Variants in GLIS3 observed in about 807,000 individuals in gnomAD.
GLIS3 encodes the protein zinc finger protein GLIS3.
In GLIS3, 53 loss-of-function variants were observed where a neutral mutation model predicts 78.6. The observed-to-expected ratio is 0.67, with a 90% CI of 0.54 to 0.85. The LOEUF (loss-of-function observed/expected upper bound fraction) is 0.85. GLIS3 is among the 40% of genes least tolerant of loss of function. GLIS3 has a pLI of 0.00. For missense variants in GLIS3, 1,703 were observed against 1,231.1 expected (o/e 1.38, Z -5.74); for synonymous variants, 684 against 509.9 (o/e 1.34, Z -4.60).
rs149300911 is a variant in GLIS3 at position 4,058,049 on chromosome 9, A to C, written c.1710+59719T>G. ...TTTGAATGAGTGACCTCTCCAAACA[A>C]AGCTAAGGACAAAAGACAAAGAGAA... On this transcript the variant is annotated intron_variant, in intron 4 of 10. Coordinates refer to ENST00000381971, the MANE Select transcript of GLIS3 (RefSeq NM_001042413.2). Among the ~76,000 whole-genome samples the C allele has an allele frequency of 2.7e-3, 408 of 152,300 alleles. 3 individuals are homozygous for C. The highest frequency in any genetic ancestry group is 9.5e-3 in the African/African-American group (393 of 41,578).
At chr9:4,420,165 CAA>C in the GLIS3 span, among the ~76,000 whole-genome samples, 6 of 152,110 alleles carry the variant, frequency 3.9e-5, no homozygotes, top group Non-Finnish European at 7.4e-5. Context: ...AATGGGCAAC[CAA>C]AATTGAAAAC....
At chr9:4,361,654 C>T in the GLIS3 span, among the ~76,000 whole-genome samples, 1 of 152,360 alleles carries the variant, frequency 6.6e-6, no homozygotes, top group East Asian at 1.9e-4. Context: ...CATTTCTACC[C>T]TAGCCAGTCC....
At chr9:3,895,707 A>C (rs1250819640) in intron 7 of GLIS3, among the ~76,000 whole-genome samples, 2 of 152,230 alleles carry the variant, frequency 1.3e-5, no homozygotes, top group African/African-American at 4.8e-5. Flanking sequence ...TTCCCTGTTC[A>C]TCTTCATGCT....
intron 2 of GLIS3, among the ~76,000 whole-genome samples, chr9:4,175,082 T>A (rs902398559): frequency 2.0e-5 from 3 of 152,216 alleles, no homozygotes; most frequent in Admixed American, 6.5e-5. Context: ...AGAGCAGGCA[T>A]TTTAAGCAGG....
the GLIS3 span, among the ~76,000 whole-genome samples, chr9:4,466,532 A>AT: frequency 1.0e-3 from 154 of 152,138 alleles, no homozygotes; most frequent in African/African-American, 2.8e-3. Flanking sequence ...TAGATATAAA[A>AT]TTTTTTTAAA....
chr9:4,321,461 A>AAAAT (rs1563932116), intron 2 of GLIS3, among the ~76,000 whole-genome samples: 3 of 140,920 alleles, frequency 2.1e-5, no homozygotes, highest in African/African-American at 8.1e-5. Flanking sequence ...AAAAAAAAAA[A>AAAAT]AATCAGGTGC....
At chr9:4,335,261 G>A (rs1429360291) in intron 2 of GLIS3, among the ~76,000 whole-genome samples, 1 of 152,068 alleles carries the variant, frequency 6.6e-6, no homozygotes, top group Non-Finnish European at 1.5e-5. Flanking sequence ...AAACAAATTA[G>A]AAGCATAAGA....
chr9:4,070,920 C>T (rs1286419888), intron 4 of GLIS3: 1 of 152,074 alleles, frequency 6.6e-6, no homozygotes, highest in Non-Finnish European at 1.5e-5. Flanking sequence ...GCTTTATGTA[C>T]CTGTATGTTA....
At chr9:3,909,028 G>T (rs1823943580) in intron 6 of GLIS3, among the ~76,000 whole-genome samples, 1 of 152,138 alleles carries the variant, frequency 6.6e-6, no homozygotes, top group African/African-American at 2.4e-5. Context: ...TCTGGGCCAC[G>T]CATGTTTATG....
rs531891381 is a variant in GLIS3, at chr9:4,195,079, T to G, written c.389-69138A>C. On this transcript the variant is annotated intron_variant, in intron 2 of 10. Coordinates refer to ENST00000381971, the MANE Select transcript of GLIS3 (RefSeq NM_001042413.2). The stretch of plus-strand genomic sequence containing the variant: ...TGCCTCAGCAGTAGGGCTAGAACTG[T>G]GCTCTCCCCAACTGCAAGCCAGGGG... Among the ~76,000 whole-genome samples the G allele has an allele frequency of 1.2e-3, 188 of 152,352 alleles. 1 individual carries two copies. The highest frequency in any genetic ancestry group is 9.1e-3 in the South Asian group (44 of 4,832).
At chr9:4,202,044 AG>A (rs1160752690) in intron 2 of GLIS3, among the ~76,000 whole-genome samples, 1 of 152,128 alleles carries the variant, frequency 6.6e-6, no homozygotes, top group Non-Finnish European at 1.5e-5. Context: ...AAGTTGAGGC[AG>A]GAAAACTGCT....
At chr9:4,397,789 G>GGGAGA in the GLIS3 span, among the ~76,000 whole-genome samples, 7 of 150,446 alleles carry the variant, frequency 4.7e-5, no homozygotes, top group African/African-American at 1.7e-4. Context: ...GGGAGGGGAG[G>GGGAGA]GGAGAGGAGG....
At chr9:4,018,092 G>C (rs1050846559) in intron 4 of GLIS3, among the ~76,000 whole-genome samples, 2 of 152,192 alleles carry the variant, frequency 1.3e-5, no homozygotes, top group Admixed American at 1.3e-4. Flanking sequence ...TGGATTGAAA[G>C]AGAGACAAAA....
At chr9:3,915,930 A>T (rs1460503541) in intron 6 of GLIS3, among the ~76,000 whole-genome samples, 3 of 152,212 alleles carry the variant, frequency 2.0e-5, no homozygotes, top group African/African-American at 4.8e-5. Context: ...CCAAAGAACT[A>T]GGGAAGACAA....
At chr9:4,276,372 G>A (rs1200624602) in intron 2 of GLIS3, among the ~76,000 whole-genome samples, 3 of 65,028 alleles carry the variant, frequency 4.6e-5, no homozygotes, top group Admixed American at 1.6e-4. Flanking sequence ...GAGAGGGCAC[G>A]GGAGGGGAGG....
At chr9:4,136,344 C>G (rs1486372151) in intron 2 of GLIS3, among the ~76,000 whole-genome samples, 1 of 152,194 alleles carries the variant, frequency 6.6e-6, no homozygotes, top group African/African-American at 2.4e-5. Context: ...GTATGAACTA[C>G]AAACACGTTT....
At chr9:4,168,426 G>C (rs1816067730) in intron 2 of GLIS3, among the ~76,000 whole-genome samples, 1 of 152,140 alleles carries the variant, frequency 6.6e-6, no homozygotes, top group Non-Finnish European at 1.5e-5. Context: ...ACATCTGAAT[G>C]GTTCTGTGTA....
intron 4 of GLIS3, among the ~76,000 whole-genome samples, chr9:3,987,388 G>A (rs376290365): frequency 6.6e-6 from 1 of 152,048 alleles, no homozygotes; most frequent in East Asian, 1.9e-4. Flanking sequence ...AAGAAAGAGA[G>A]TAGAACCGAA....
chr9:4,063,330 C>T (rs1228885785), intron 4 of GLIS3, among the ~76,000 whole-genome samples: 1 of 151,660 alleles, frequency 6.6e-6, no homozygotes, highest in African/African-American at 2.4e-5. Flanking sequence ...TGTAACAAAC[C>T]ATACTGCAAA....
Sources: allele counts gnomAD v4.1 joint callset (sites outside exome capture counted in the v4.1 genomes callset), GRCh38; gene constraint gnomAD v4.1.1; transcripts MANE v1.5; gene names NCBI Gene and HGNC (gene_info 2026-07-23, HGNC 2026-07-21).